The following NUP133 variants were observed in gnomAD, a reference collection of about 807,000 sequenced individuals.
NUP133 encodes nuclear pore complex protein Nup133.
In NUP133, 66 loss-of-function variants were observed where a neutral mutation model predicts 146.2. That is an observed-to-expected ratio of 0.45 (90% confidence interval 0.37 to 0.55). The LOEUF is 0.55. NUP133 is among the 20% of genes least tolerant of loss of function. The pLI, the probability that NUP133 is intolerant of heterozygous loss-of-function variation, is 0.00. For missense variants in NUP133, 1,277 were observed against 1,374.8 expected (o/e 0.93, Z 1.12); for synonymous variants, 521 against 498.8 (o/e 1.04, Z -0.59).
intron 9 of NUP133, among the ~76,000 whole-genome samples, chr1:229,488,224 T>C (rs556319712): frequency 6.6e-6 from 1 of 152,292 alleles, no homozygotes; most frequent in South Asian, 2.1e-4. Context: ...CTATGATAAA[T>C]TCAAAGGAGA....
intron 14 of NUP133, among the ~76,000 whole-genome samples, chr1:229,471,195 C>A (rs534515005): frequency 1.3e-5 from 2 of 152,184 alleles, no homozygotes; most frequent in African/African-American, 4.8e-5. Context: ...AATCACAGGT[C>A]ACCCTAACCT....
At chr1:229,457,341 T>C (rs1030275569) in intron 21 of NUP133, among the ~76,000 whole-genome samples, 12 of 152,166 alleles carry the variant, frequency 7.9e-5, no homozygotes, top group African/African-American at 2.9e-4. Flanking sequence ...TCTTTCTATA[T>C]TTGTACTCCT....
Position 229,458,131 on chromosome 1 carries a change from T to TG in NUP133, c.2980+29_2980+30insC, listed in dbSNP as rs771910466. The TG allele has an allele frequency of 8.9e-5, 143 of 1,600,102 alleles. No homozygotes were observed. The African/African-American group carries it at 1.8e-3, about 20-fold the overall frequency. On this transcript the variant is annotated intron_variant, in intron 21 of 25. Transcript: ENST00000261396. ...TGAGTTAATTGATGGCATGACCAAT[T>TG]TGTAAATCCTTTTGCTCAAATTCTT...
Position 229,447,513 on chromosome 1 carries a change from C to T in NUP133, c.3245+1613G>A, listed in dbSNP as rs76264020. Among the ~76,000 whole-genome samples the T allele has an allele frequency of 5.4e-3, 816 of 151,728 alleles. 14 individuals are homozygous for T. Among genetic ancestry groups the T allele is most frequent in the African/African-American group, 0.019 (771 of 41,330 alleles). On this transcript the variant is annotated intron_variant, in intron 24 of 25. Transcript: ENST00000261396. Reference sequence around the variant, plus strand: ...ATTGAGTTGGCTGACAGCTGGCAGCCCCCAGCTAGCTTCAGGATAGGGGCT... The same window carrying T: ...ATTGAGTTGGCTGACAGCTGGCAGCTCCCAGCTAGCTTCAGGATAGGGGCT...
Position 229,487,472 on chromosome 1 carries a change from C to T in NUP133, c.1336G>A (p.Ala446Thr). 1 of 1,612,978 alleles carries T rather than the reference C, an allele frequency of 6.2e-7. No individual in the cohort carries two copies. The highest frequency in any genetic ancestry group is 8.5e-7 in the Non-Finnish European group (1 of 1,179,746). ...TCTAAAACTGCTACTGTACCTTGTGCATTAAAGACAATTTTCTCCTGGGGA... is the reference window on the plus strand; with the variant it reads ...TCTAAAACTGCTACTGTACCTTGTGTATTAAAGACAATTTTCTCCTGGGGA... The part of the protein sequence containing the change: ...SLPQEKIVFN[A>T]QGDSVLGAGA... The change falls in exon 10 of 26, where the codon GCA becomes ACA. Residue 446 changes from alanine to threonine, a missense_variant. Around this residue, in one of 3 missense-constraint regions of NUP133, gnomAD observed 952 missense variants for 1,047.0 expected, o/e 0.91. Coordinates refer to ENST00000261396, the MANE Select transcript of NUP133 (RefSeq NM_018230.3).
chr1:229,458,124 G>A, intron 21 of NUP133, 37 bp downstream of exon 21: 1 of 1,595,886 alleles, frequency 6.3e-7, no homozygotes, highest in Non-Finnish European at 8.6e-7. Flanking sequence ...TTGATGGCAT[G>A]ACCAATTTGT....
chr1:229,478,632 A>G (rs531372022), intron 12 of NUP133, among the ~76,000 whole-genome samples: 47 of 152,190 alleles, frequency 3.1e-4, no homozygotes, highest in Non-Finnish European at 5.0e-4. Flanking sequence ...AAAGCAGCAG[A>G]CTCTTCTAAC....
At chr1:229,494,971 C>T (rs980166741) in intron 8 of NUP133, among the ~76,000 whole-genome samples, 12 of 152,068 alleles carry the variant, frequency 7.9e-5, no homozygotes, top group Non-Finnish European at 1.8e-4. Flanking sequence ...GAATGAGACA[C>T]GAAGGTAAGA....
chr1:229,447,407 T>G (rs1450466904), intron 24 of NUP133, among the ~76,000 whole-genome samples: 1 of 152,128 alleles, frequency 6.6e-6, no homozygotes, highest in African/African-American at 2.4e-5. Flanking sequence ...GTATTTGGTC[T>G]TCTTCTTCAC....
chr1:229,492,595 T>G (rs955460104), intron 8 of NUP133, among the ~76,000 whole-genome samples: 1 of 151,938 alleles, frequency 6.6e-6, no homozygotes, highest in Non-Finnish European at 1.5e-5. Flanking sequence ...ACTTTATCAC[T>G]TCTGCTTGGA....
intron 12 of NUP133, among the ~76,000 whole-genome samples, chr1:229,483,710 A>AC (rs1402510605): frequency 6.8e-6 from 1 of 146,520 alleles, no homozygotes; most frequent in Non-Finnish European, 1.5e-5. Flanking sequence ...AAAAAAAAAA[A>AC]AAAAAAAAAA....
chr1:229,499,948 C>T (rs1462630982), intron 4 of NUP133, 130 bp from the exon 5 acceptor site: 1 of 1,119,464 alleles, frequency 8.9e-7, no homozygotes, highest in Non-Finnish European at 1.2e-6. Flanking sequence ...AATAAGAACT[C>T]ACCAGTGTTT....
rs771525719 is a variant in NUP133, at chr1:229,464,860, C to T, written c.2315G>A (p.Gly772Asp). Residue 772 changes from glycine to aspartate, a missense_variant, in exon 18 of 26, where the codon GGT becomes GAT. Coordinates refer to ENST00000261396, the MANE Select transcript of NUP133 (RefSeq NM_018230.3). ...YVPWTATSGPGGIRTVIIRQH... is the reference protein window; with the variant it reads ...YVPWTATSGPDGIRTVIIRQH... Reference sequence around the variant, plus strand: ...GCGTATTATTACCGTTCGGATGCCACCAGGACCACTTGTTGCTGTGAAATT... The same window carrying T: ...GCGTATTATTACCGTTCGGATGCCATCAGGACCACTTGTTGCTGTGAAATT... 6.2e-7 allele frequency: 1 copy of T among 1,614,040 alleles called. No homozygotes were observed. The highest frequency in any genetic ancestry group is 8.5e-7 in the Non-Finnish European group (1 of 1,179,954).
chr1:229,442,181 C>T, intron 25 of NUP133, 141 bp from the exon 26 acceptor site: 1 of 777,182 alleles, frequency 1.3e-6, no homozygotes, highest in Non-Finnish European at 2.0e-6. Flanking sequence ...CTTCTAAATT[C>T]CTTCCATCTG....
At chr1:229,447,024 T>A (rs1660317300) in intron 24 of NUP133, among the ~76,000 whole-genome samples, 1 of 152,000 alleles carries the variant, frequency 6.6e-6, no homozygotes, top group Admixed American at 6.6e-5. Context: ...CTCGGGAGGT[T>A]GAAGCAGGAG....
chr1:229,460,725 C>T lies in NUP133; in HGVS notation c.2730G>A (p.Lys910=). ...TGGGCTGAGATAATAATTTGCCTCGCTTTCCTTTCTCCAGATACCAACGGA... is the reference window on the plus strand; with the variant it reads ...TGGGCTGAGATAATAATTTGCCTCGTTTTCCTTTCTCCAGATACCAACGGA... The part of the protein sequence containing the change: ...FLFRWYLEKG[K]RGKLLSQPIS... Residue 910 remains lysine, a synonymous_variant, in exon 20 of 26, where the codon AAG becomes AAA. Coordinates refer to ENST00000261396, the MANE Select transcript of NUP133 (RefSeq NM_018230.3). The T allele has an allele frequency of 3.7e-6, 6 of 1,613,970 alleles. No individual in the cohort carries two copies. The highest frequency in any genetic ancestry group is 3.3e-5 in the Admixed American group (2 of 59,984).
In NUP133 at chr1:229,484,097, C is replaced by A; in HGVS notation, c.1549G>T (p.Asp517Tyr). The A allele has an allele frequency of 3.1e-6, 5 of 1,613,558 alleles. No homozygotes were observed. The highest frequency in any genetic ancestry group is 4.2e-6 in the Non-Finnish European group (5 of 1,179,704). Residue 517 changes from aspartate to tyrosine, a missense_variant, in exon 12 of 26, where the codon GAT (aspartate) becomes TAT (tyrosine). Asp to Tyr is a radical substitution (Grantham distance 160). This residue lies in a region of NUP133 where 952 missense variants were observed against 1,047.0 expected (regional missense o/e 0.91). Coordinates refer to ENST00000261396, the MANE Select transcript of NUP133 (RefSeq NM_018230.3). ...GCAGCTTTCAGCAACTTGATTTTAT[C>A]TTCCTGGGCTATAGTTTCATTCTTT... is the stretch of plus-strand genomic sequence containing the variant. ...TTKNETIAQE[D>Y]KIKLLKAAFL...
intron 12 of NUP133, among the ~76,000 whole-genome samples, chr1:229,483,719 A>C (rs1465401602): frequency 2.0e-5 from 3 of 151,584 alleles, no homozygotes; most frequent in African/African-American, 4.8e-5. Flanking sequence ...AAAAAAAAAA[A>C]AACTTTGTAA....
intron 9 of NUP133, among the ~76,000 whole-genome samples, chr1:229,489,713 A>T (rs1415733433): frequency 6.6e-6 from 1 of 152,178 alleles, no homozygotes; most frequent in Non-Finnish European, 1.5e-5. Flanking sequence ...TCTGCTAAAA[A>T]TATAAAAATT....
Sources: gnomAD v4.1 joint callset for allele counts (sites outside exome capture counted in the v4.1 genomes callset) on GRCh38, gnomAD v4.1.1 for gene constraint, gnomAD v4.1.1 regional missense constraint, MANE v1.5 for transcripts, NCBI Gene and HGNC (gene_info 2026-07-23, HGNC 2026-07-21) for gene names.